The following KANSL1L variants were observed in gnomAD, a reference collection of about 807,000 sequenced individuals.
KANSL1L encodes KAT8 regulatory NSL complex subunit 1 like, also known as KAT8 regulatory NSL complex subunit 1-like protein.
KANSL1L carries 25 observed loss-of-function variants against 108.6 expected under a neutral mutation model. That is an observed-to-expected ratio of 0.23 (90% CI 0.17 to 0.32). KANSL1L has a LOEUF of 0.32. Among genes scored for constraint, KANSL1L ranks in the 10% least tolerant of loss-of-function variants. KANSL1L has a pLI of 1.00. For synonymous variants in KANSL1L, 405 were observed against 395.1 expected (o/e 1.03, Z -0.30); for missense variants, 1,137 against 1,125.7 (o/e 1.01, Z -0.14).
chr2:210,133,633 G>T (rs1285104954), intron 2 of KANSL1L, among the ~76,000 whole-genome samples: 1 of 151,712 alleles, frequency 6.6e-6, no homozygotes, highest in African/African-American at 2.4e-5. Context: ...TTTTAAGTAG[G>T]AGACTTAGAC....
chr2:210,125,474 A>C (rs962645840), intron 3 of KANSL1L, among the ~76,000 whole-genome samples: 1 of 152,244 alleles, frequency 6.6e-6, no homozygotes. Flanking sequence ...CTGTGAGGCC[A>C]GCATTATCCT....
At chr2:210,137,868 AAAAAACAG>A (rs2095188922) in intron 2 of KANSL1L, among the ~76,000 whole-genome samples, 1 of 152,064 alleles carries the variant, frequency 6.6e-6, no homozygotes, top group South Asian at 2.1e-4. Context: ...CTGTCTCTAC[AAAAAACAG>A]AAAAATTAGC....
chr2:210,054,365 T>G (rs1389347726), intron 6 of KANSL1L, among the ~76,000 whole-genome samples: 1 of 151,968 alleles, frequency 6.6e-6, no homozygotes, highest in Non-Finnish European at 1.5e-5. Flanking sequence ...TAACACCATT[T>G]TTTACCTATT....
At position 210,044,165 on chromosome 2, in the gene KANSL1L, A is replaced by T. The variant is rs1253649545; in HGVS notation, c.1756-61T>A. The stretch of plus-strand genomic sequence containing the variant: ...AAGCATCCATAAATGGCATATCTCT[A>T]CATTTATTTAGGTTATCTTTAAATA... On this transcript the variant is annotated intron_variant, in intron 6 of 14. Coordinates refer to ENST00000281772, the MANE Select transcript of KANSL1L (RefSeq NM_152519.4). This position sits in a 1 kb window ranked among gnomAD's most constrained non-coding sequence, Gnocchi z 4.2. 2 of 1,118,476 alleles carry T rather than the reference A, an allele frequency of 1.8e-6. No homozygotes were observed. Among genetic ancestry groups the T allele is most frequent in the Non-Finnish European group, 2.4e-6 (2 of 825,204 alleles). 69.3% of individuals were successfully genotyped at this position (1,118,476 alleles called of 1,614,324 possible). A position where few individuals can be genotyped will look rare whatever the true frequency, so the allele number is the denominator to read the frequency against.
intron 7 of KANSL1L, chr2:210,043,666 A>G (rs2094192662): frequency 1.2e-5 from 3 of 257,998 alleles, no homozygotes; most frequent in South Asian, 3.2e-4. Context: ...AAAATGCTCA[A>G]AATTTAACAA....
chr2:210,097,411 T>G, intron 5 of KANSL1L: 1 of 660,986 alleles, frequency 1.5e-6, no homozygotes, highest in Non-Finnish European at 1.9e-6. Context: ...ATTCCAATTT[T>G]ATCTGAAAAA....
chr2:210,156,875 G>A (rs1405546442), intron 1 of KANSL1L, among the ~76,000 whole-genome samples: 2 of 151,542 alleles, frequency 1.3e-5, no homozygotes, highest in Non-Finnish European at 2.9e-5. Context: ...ACACTTTATT[G>A]TATAATGTCT....
At chr2:210,094,595 G>A (rs1386249708) in intron 5 of KANSL1L, among the ~76,000 whole-genome samples, 1 of 151,916 alleles carries the variant, frequency 6.6e-6, no homozygotes, top group Non-Finnish European at 1.5e-5. Flanking sequence ...AATCAAAGCT[G>A]TTTCATATAA....
chr2:210,028,943 A>G lies in KANSL1L; in HGVS notation c.2298T>C (p.Ser766=). The change falls in exon 11 of 15, where the codon AGT becomes AGC. Residue 766 remains serine (S), a synonymous_variant. Transcript: ENST00000281772. Reference sequence around the variant, plus strand: ...TGTTATCTATGTCATAAGAGCTCTCACTTCTCAATCTCCGTCGTGCAGTAT... The same window carrying G: ...TGTTATCTATGTCATAAGAGCTCTCGCTTCTCAATCTCCGTCGTGCAGTAT... ...SRNTARRRLR[S]ESSYDIDNIV... 1 of 1,610,958 alleles carries G rather than the reference A, an allele frequency of 6.2e-7. No individual in the cohort carries two copies. The highest frequency in any genetic ancestry group is 2.2e-5 in the East Asian group (1 of 44,768).
At chr2:210,075,506 T>C (rs1479109246) in intron 6 of KANSL1L, 46 bp downstream of exon 6, 1 of 1,246,760 alleles carries the variant, frequency 8.0e-7, no homozygotes, top group East Asian at 2.3e-5. Context: ...TGAAATATGC[T>C]GATGGTGAAT....
At chr2:210,157,911 A>G (rs2095342549) in intron 1 of KANSL1L, among the ~76,000 whole-genome samples, 1 of 151,896 alleles carries the variant, frequency 6.6e-6, no homozygotes, top group Non-Finnish European at 1.5e-5. Context: ...TCAAAAAAAA[A>G]GAAAGCAGAT....
intron 3 of KANSL1L, among the ~76,000 whole-genome samples, chr2:210,106,114 G>A (rs1449968110): frequency 2.6e-5 from 4 of 152,172 alleles, no homozygotes; most frequent in Non-Finnish European, 5.9e-5. Flanking sequence ...CTGAAGGTGA[G>A]AAGAATCTGT....
At chr2:210,138,566 T>G (rs2095196744) in intron 2 of KANSL1L, among the ~76,000 whole-genome samples, 1 of 152,224 alleles carries the variant, frequency 6.6e-6, no homozygotes, top group Non-Finnish European at 1.5e-5. Flanking sequence ...TAAGGAAGCT[T>G]AACATTGGGA....
chr2:210,036,448 C>T lies in KANSL1L; in HGVS notation c.2029+3972G>A, dbSNP rs2094104885. On this transcript the variant is annotated intron_variant, in intron 8 of 14. Transcript: ENST00000281772. ...CCCCCTACCTCAGCCTCCCAAAGTG[C>T]TGGGATTACAAGCATGAGCCACCAC... 2.0e-5 allele frequency among the ~76,000 whole-genome samples: 3 copies of T among 152,092 alleles called. No individual in the cohort carries two copies. In the South Asian group the frequency reaches 6.2e-4, roughly 32 times the overall value.
At chr2:210,115,219 A>T (rs1239873910) in intron 3 of KANSL1L, among the ~76,000 whole-genome samples, 1 of 152,170 alleles carries the variant, frequency 6.6e-6, no homozygotes, top group African/African-American at 2.4e-5. Flanking sequence ...CGACACAAGT[A>T]AGTTGAAAGT....
chr2:210,152,628 T>C (rs997365282), intron 2 of KANSL1L: 1 of 152,252 alleles, frequency 6.6e-6, no homozygotes, highest in African/African-American at 2.4e-5. Flanking sequence ...ATTCAATAGA[T>C]ATCTTACAGC....
At chr2:210,111,267 C>T (rs2094901978) in intron 3 of KANSL1L, among the ~76,000 whole-genome samples, 1 of 151,138 alleles carries the variant, frequency 6.6e-6, no homozygotes, top group South Asian at 2.1e-4. Flanking sequence ...AACAGATAAA[C>T]AAATTATAGT....
At chr2:210,026,558 A>T (rs1243354596) in intron 12 of KANSL1L, among the ~76,000 whole-genome samples, 3 of 152,236 alleles carry the variant, frequency 2.0e-5, no homozygotes, top group Non-Finnish European at 4.4e-5. Context: ...TACAGGTATT[A>T]CGTGATATGT....
chr2:210,138,047 A>AT (rs2095190713), intron 2 of KANSL1L, among the ~76,000 whole-genome samples: 1 of 152,136 alleles, frequency 6.6e-6, no homozygotes, highest in African/African-American at 2.4e-5. Flanking sequence ...AAAATTGTAC[A>AT]TATCTATATA....
Sources: allele counts gnomAD v4.1 joint callset (sites outside exome capture counted in the v4.1 genomes callset), GRCh38; gene constraint gnomAD v4.1.1; non-coding constraint Gnocchi (gnomAD v3.1); transcripts MANE v1.5; gene names NCBI Gene and HGNC (gene_info 2026-07-23, HGNC 2026-07-21).